The following CPNE8 variants were observed in gnomAD, a reference collection of about 807,000 sequenced individuals.
CPNE8 encodes the protein copine 8.
CPNE8 carries 45 observed loss-of-function variants against 81.5 expected under a neutral mutation model. That is an observed-to-expected ratio of 0.55 (90% CI 0.44 to 0.71). The LOEUF is 0.71. Among genes scored for constraint, CPNE8 ranks in the 30% least tolerant of loss-of-function variants. The pLI is 0.00. For synonymous variants in CPNE8, 252 were observed against 226.3 expected (o/e 1.11, Z -1.02); for missense variants, 594 against 672.1 (o/e 0.88, Z 1.28).
At chr12:38,799,260 A>G (rs1942591984) in intron 6 of CPNE8, among the ~76,000 whole-genome samples, 1 of 151,934 alleles carries the variant, frequency 6.6e-6, no homozygotes, top group South Asian at 2.1e-4. Context: ...TTTTCAGCAC[A>G]CCACACCTAT....
At chr12:38,828,067 C>G (rs1321685714) in intron 6 of CPNE8, among the ~76,000 whole-genome samples, 6 of 152,220 alleles carry the variant, frequency 3.9e-5, no homozygotes, top group African/African-American at 1.2e-4. Context: ...ATTTTAATTG[C>G]TTTTGTTTTC....
chr12:38,802,895 T>A (rs1391416544), intron 6 of CPNE8, among the ~76,000 whole-genome samples: 4 of 148,888 alleles, frequency 2.7e-5, no homozygotes, highest in Non-Finnish European at 5.9e-5. Context: ...GCAAATAAAC[T>A]AGAAAATCTA....
chr12:38,796,625 G>C (rs1942482030), intron 6 of CPNE8, among the ~76,000 whole-genome samples: 1 of 152,166 alleles, frequency 6.6e-6, no homozygotes, highest in South Asian at 2.1e-4. Context: ...TGACGCAGAA[G>C]ACGGGGGATT....
intron 1 of CPNE8, among the ~76,000 whole-genome samples, chr12:38,884,821 G>A (rs912661673): frequency 6.6e-6 from 1 of 151,858 alleles, no homozygotes; most frequent in Non-Finnish European, 1.5e-5. Flanking sequence ...AAACGCTCTC[G>A]TGTTGATAAA....
chr12:38,688,511 A>C (rs913580733), intron 15 of CPNE8, among the ~76,000 whole-genome samples: 15 of 152,176 alleles, frequency 9.9e-5, no homozygotes, highest in African/African-American at 3.4e-4. Flanking sequence ...TTACTTGCAC[A>C]CACCTTTATA....
chr12:38,656,112 A>G (rs144598912), intron 19 of CPNE8, among the ~76,000 whole-genome samples: 5 of 151,726 alleles, frequency 3.3e-5, no homozygotes, highest in Non-Finnish European at 7.4e-5. Flanking sequence ...TAAAAAAAAA[A>G]CAAAAAACAA....
chr12:38,753,601 C>G (rs1941395581), intron 10 of CPNE8, among the ~76,000 whole-genome samples: 1 of 152,210 alleles, frequency 6.6e-6, no homozygotes, highest in African/African-American at 2.4e-5. Context: ...TGACAAAACA[C>G]AGTCCTTGAT....
chr12:38,791,457 T>A (rs1942321685), intron 6 of CPNE8, among the ~76,000 whole-genome samples: 1 of 151,442 alleles, frequency 6.6e-6, no homozygotes, highest in Non-Finnish European at 1.5e-5. Context: ...TCTGAAAAAC[T>A]TATTGGTTGA....
At chr12:38,896,309 A>G (rs1310404885) in intron 1 of CPNE8, among the ~76,000 whole-genome samples, 2 of 152,102 alleles carry the variant, frequency 1.3e-5, no homozygotes, top group African/African-American at 4.8e-5. Context: ...CACAATTTGA[A>G]CAAGAATGTC....
At chr12:38,688,598 G>GGTGTGTGT (rs56769844) in intron 15 of CPNE8, among the ~76,000 whole-genome samples, 2 of 148,548 alleles carry the variant, frequency 1.3e-5, no homozygotes, top group African/African-American at 2.5e-5. Flanking sequence ...AAGAAAATGT[G>GGTGTGTGT]GTGTGTGTGT....
chr12:38,822,853 C>A (rs555119584), intron 6 of CPNE8, among the ~76,000 whole-genome samples: 1 of 152,278 alleles, frequency 6.6e-6, no homozygotes, highest in Admixed American at 6.5e-5. Context: ...TCTTCTGAGT[C>A]CAGCCCAATA....
intron 6 of CPNE8, among the ~76,000 whole-genome samples, chr12:38,794,109 G>T (rs1306622083): frequency 6.6e-6 from 1 of 152,072 alleles, no homozygotes; most frequent in Non-Finnish European, 1.5e-5. Context: ...AGAAAACACA[G>T]GAGGAAAGCT....
At chr12:38,807,479 C>G (rs1406724086) in intron 6 of CPNE8, among the ~76,000 whole-genome samples, 1 of 151,450 alleles carries the variant, frequency 6.6e-6, no homozygotes, top group Non-Finnish European at 1.5e-5. Flanking sequence ...TTTGACAAAC[C>G]TGAGAAAAAC....
chr12:38,779,098 T>C (rs1050264978), intron 6 of CPNE8, among the ~76,000 whole-genome samples: 2 of 152,204 alleles, frequency 1.3e-5, no homozygotes, highest in Non-Finnish European at 2.9e-5. Context: ...ATGAGTTTAA[T>C]ATATTCAGCA....
chr12:38,669,146 C>T (rs1389787542), intron 19 of CPNE8, among the ~76,000 whole-genome samples: 1 of 152,040 alleles, frequency 6.6e-6, no homozygotes, highest in Non-Finnish European at 1.5e-5. Flanking sequence ...CTGCTGTTAA[C>T]CTAATCATTT....
At chr12:38,683,106 A>G (rs1224604406) in intron 16 of CPNE8, among the ~76,000 whole-genome samples, 1 of 152,154 alleles carries the variant, frequency 6.6e-6, no homozygotes, top group Non-Finnish European at 1.5e-5. Context: ...TTGTTACCTC[A>G]TTAATATTAC....
chr12:38,833,721 G>T (rs1266175596), intron 5 of CPNE8, among the ~76,000 whole-genome samples: 2 of 151,918 alleles, frequency 1.3e-5, no homozygotes, highest in East Asian at 3.9e-4. Context: ...CTCGTGATCT[G>T]CCCGCCTTGT....
chr12:38,877,445 C>A (rs73274761), intron 1 of CPNE8, among the ~76,000 whole-genome samples: 2,142 of 151,936 alleles, frequency 0.014, 48 homozygotes, highest in African/African-American at 0.047. Flanking sequence ...AGCTAGGATG[C>A]CTGTAACTTT....
intron 3 of CPNE8, among the ~76,000 whole-genome samples, chr12:38,866,251 G>A (rs1178536258): frequency 6.6e-6 from 1 of 152,220 alleles, no homozygotes; most frequent in African/African-American, 2.4e-5. Context: ...ATCACAGGAA[G>A]TCTTTATACA....
Sources: allele counts gnomAD v4.1 joint callset (sites outside exome capture counted in the v4.1 genomes callset), GRCh38; gene constraint gnomAD v4.1.1; transcripts MANE v1.5; gene names NCBI Gene and HGNC (gene_info 2026-07-23, HGNC 2026-07-21).